SLC6A20: variants seen among roughly 807,000 people sequenced by gnomAD.
The protein encoded by SLC6A20 is solute carrier family 6 member 20.
SLC6A20 carries 73 observed loss-of-function variants against 64.3 expected under a neutral mutation model. That is an observed-to-expected ratio of 1.14 (90% confidence interval 0.94 to 1.38). The LOEUF (loss-of-function observed/expected upper bound fraction) is 1.38, where lower values mean the gene tolerates loss of function less well. Ranked by LOEUF, SLC6A20 falls within the 40% of genes most tolerant of loss-of-function variation. The pLI is 0.00. For synonymous variants in SLC6A20, 347 were observed against 329.6 expected (o/e 1.05, Z -0.57); for missense variants, 725 against 772.8 (o/e 0.94, Z 0.73).
At chr3:45,778,449 G>T (rs998992677) in intron 3 of SLC6A20, among the ~76,000 whole-genome samples, 1 of 152,206 alleles carries the variant, frequency 6.6e-6, no homozygotes, top group Non-Finnish European at 1.5e-5. Flanking sequence ...TAAGGGATAA[G>T]TCCACAGACC....
chr3:45,785,864 C>A (rs1324995128), intron 1 of SLC6A20, among the ~76,000 whole-genome samples: 4 of 152,146 alleles, frequency 2.6e-5, no homozygotes, highest in Non-Finnish European at 5.9e-5. Context: ...AGAGCCCAGG[C>A]CTCAGGATGC....
At chr3:45,773,077 C>G (rs1699903664) in intron 4 of SLC6A20, among the ~76,000 whole-genome samples, 1 of 152,146 alleles carries the variant, frequency 6.6e-6, no homozygotes, top group East Asian at 1.9e-4. Context: ...GTTTCTGAGC[C>G]AGATTCAGCT....
At position 45,760,704 on chromosome 3, in the gene SLC6A20, G is replaced by A. The variant is rs144418046; in HGVS notation, c.1464-682C>T. 5.8e-3 allele frequency among the ~76,000 whole-genome samples: 890 copies of A among 152,296 alleles called. 12 individuals carry two copies. Among genetic ancestry groups the A allele is most frequent in the African/African-American group, 0.02 (837 of 41,548 alleles). On this transcript the variant is annotated intron_variant, in intron 9 of 10. Transcript: ENST00000358525. ...ACCTACGGTTAGCAGCAGCACAACA[G>A]CAGCCAGTTTCTCATCGACTTGACA...
At chr3:45,785,294 T>C (rs1459940430) in intron 1 of SLC6A20, among the ~76,000 whole-genome samples, 2 of 152,186 alleles carry the variant, frequency 1.3e-5, no homozygotes, top group Non-Finnish European at 2.9e-5. Flanking sequence ...TGATCCTGGG[T>C]GTGTCTGTGA....
At chr3:45,763,417 C>G (rs746909066) in intron 8 of SLC6A20, among the ~76,000 whole-genome samples, 27 of 152,188 alleles carry the variant, frequency 1.8e-4, no homozygotes, top group Admixed American at 5.9e-4. Context: ...CAATTATAAC[C>G]CCCGCTGTTT....
intron 1 of SLC6A20, among the ~76,000 whole-genome samples, chr3:45,785,406 A>C (rs2125654668): frequency 6.6e-6 from 1 of 152,266 alleles, no homozygotes; most frequent in Admixed American, 6.5e-5. Context: ...AGTGAATATA[A>C]AGCAGGCAGA....
In SLC6A20 at chr3:45,796,427, G is replaced by T. The variant is rs745312390; in HGVS notation, c.-8C>A. ...CGGCCGCGCTTTCTCCATGGCCCCG[G>T]CCTCGGCGCGCTCGGCTCCGGCTCG... is the stretch of plus-strand genomic sequence containing the variant. On this transcript the variant is annotated 5_prime_UTR_variant, in exon 1 of 11. Transcript: ENST00000358525. The T allele has an allele frequency of 1.9e-6, 3 of 1,608,262 alleles. No homozygotes were observed. Among genetic ancestry groups the T allele is most frequent in the Non-Finnish European group, 1.7e-6 (2 of 1,177,616 alleles).
chr3:45,764,379 T>G (rs926563957), intron 8 of SLC6A20, among the ~76,000 whole-genome samples: 1 of 152,130 alleles, frequency 6.6e-6, no homozygotes, highest in Non-Finnish European at 1.5e-5. Flanking sequence ...ACGTAGAGTG[T>G]GTACAATAGG....
In SLC6A20 at chr3:45,772,508, G is replaced by A. The variant is rs1252033848; in HGVS notation, c.690C>T (p.Pro230=). 2 of 1,611,908 alleles carry A rather than the reference G, an allele frequency of 1.2e-6. No homozygotes were observed. The highest frequency in any genetic ancestry group is 2.7e-5 in the African/African-American group (2 of 74,854). ...ATNGLMYMFT[P]KIEQLANPKA... Reference sequence around the variant, plus strand: ...GCCCTTCCGCTTCAGCCCGTACCTTGGGAGTGAACATGTACATGAGGCCAT... The same window carrying A: ...GCCCTTCCGCTTCAGCCCGTACCTTAGGAGTGAACATGTACATGAGGCCAT... The change falls in exon 5 of 11, where the codon CCC becomes CCT. Residue 230 remains proline (P), a synonymous_variant. Coordinates refer to ENST00000358525, the MANE Select transcript of SLC6A20 (RefSeq NM_020208.4).
chr3:45,773,918 C>T (rs766767366), intron 4 of SLC6A20, among the ~76,000 whole-genome samples: 19 of 152,258 alleles, frequency 1.2e-4, no homozygotes, highest in African/African-American at 4.1e-4. Context: ...AGCACTCACT[C>T]GTGACCAACA....
intron 1 of SLC6A20, among the ~76,000 whole-genome samples, chr3:45,788,630 C>T (rs1468606404): frequency 6.6e-6 from 1 of 152,094 alleles, no homozygotes; most frequent in Non-Finnish European, 1.5e-5. Context: ...TCCATGATAC[C>T]TAATAACTAA....
At chr3:45,774,909 G>T (rs945288136) in intron 4 of SLC6A20, among the ~76,000 whole-genome samples, 2 of 152,198 alleles carry the variant, frequency 1.3e-5, no homozygotes, top group African/African-American at 2.4e-5. Context: ...AGGTAACTGG[G>T]ATCATGAAAT....
intron 1 of SLC6A20, among the ~76,000 whole-genome samples, chr3:45,794,162 A>C (rs547665145): frequency 2.0e-5 from 3 of 152,290 alleles, no homozygotes; most frequent in South Asian, 2.1e-4. Flanking sequence ...GAATGGTGGG[A>C]GTTCTCCCAG....
intron 3 of SLC6A20, among the ~76,000 whole-genome samples, chr3:45,779,275 G>A (rs905150154): frequency 1.3e-5 from 2 of 152,218 alleles, no homozygotes; most frequent in South Asian, 2.1e-4. Context: ...AGAGTGAAAC[G>A]GTAGGAGCCA....
chr3:45,765,629 A>G lies in SLC6A20; in HGVS notation c.1211T>C (p.Ile404Thr). 6.2e-7 allele frequency: 1 copy of G among 1,614,122 alleles called. No homozygotes were observed. The highest frequency in any genetic ancestry group is 1.3e-5 in the African/African-American group (1 of 75,018). ...LYFFMLLMLGIGSMLGNTAAI... is the reference protein window; with the variant it reads ...LYFFMLLMLGTGSMLGNTAAI... The stretch of plus-strand genomic sequence containing the variant: ...CGCTGTGTTCCCCAGCATGCTCCCA[A>G]TGCCCAGCATCAGCAGCATGAAGAA... Residue 404 changes from isoleucine (I) to threonine (T), a missense_variant, in exon 8 of 11, where the codon ATT becomes ACT. Coordinates refer to ENST00000358525, the MANE Select transcript of SLC6A20 (RefSeq NM_020208.4). This position sits in a 1 kb window ranked among gnomAD's most constrained non-coding sequence, Gnocchi z 4.2.
At position 45,762,897 on chromosome 3, in the gene SLC6A20, T is replaced by C. The variant is rs1575424227; in HGVS notation, c.1463+16A>G. 6.2e-7 allele frequency: 1 copy of C among 1,613,556 alleles called. No homozygotes were observed. Among genetic ancestry groups the C allele is most frequent in the East Asian group, 2.2e-5 (1 of 44,862 alleles). ...TGTGTTTTCCCTATGCAAATGAGGG[T>C]CCTGGGCCTCCTCACCTCCTCAGCC... On this transcript the variant is annotated intron_variant, in intron 9 of 10. Transcript: ENST00000358525.
chr3:45,794,395 A>G (rs1170194553), intron 1 of SLC6A20, among the ~76,000 whole-genome samples: 1 of 152,066 alleles, frequency 6.6e-6, no homozygotes, highest in Admixed American at 6.6e-5. Flanking sequence ...ACAGGGTGCC[A>G]TCCACCAGAC....
chr3:45,779,938 G>T, intron 3 of SLC6A20, 71 bp downstream of exon 3: 1 of 1,484,050 alleles, frequency 6.7e-7, no homozygotes, highest in South Asian at 1.2e-5. Flanking sequence ...CCCCTTCCCC[G>T]AGCGGGTGGC....
rs546516066 is a variant in SLC6A20, at chr3:45,758,619, G to T, written c.*359C>A. The T allele has an allele frequency of 3.0e-5, 33 of 1,109,864 alleles. No individual in the cohort carries two copies. The African/African-American group carries it at 5.0e-4, about 17-fold the overall frequency. The allele number at this position is 1,109,864 out of a possible 1,614,324, so 68.8% of individuals were successfully genotyped here. The stretch of plus-strand genomic sequence containing the variant: ...CCTCTAATATTTTGGTGTCTCTTCA[G>T]CCAAAAACAAAAATTGCTTAAATTT... On this transcript the variant is annotated 3_prime_UTR_variant, in exon 11 of 11. Transcript: ENST00000358525.
Sources: allele counts gnomAD v4.1 joint callset (sites outside exome capture counted in the v4.1 genomes callset), GRCh38; gene constraint gnomAD v4.1.1; non-coding constraint Gnocchi (gnomAD v3.1); transcripts MANE v1.5; gene names NCBI Gene and HGNC (gene_info 2026-07-23, HGNC 2026-07-21).